Variants in GATM observed in about 807,000 individuals in gnomAD.
GATM encodes glycine amidinotransferase, mitochondrial.
A neutral mutation model predicts 54.2 loss-of-function variants in GATM; 23 were observed. That is an observed-to-expected ratio of 0.42 (90% CI 0.31 to 0.60). GATM has a LOEUF of 0.60. Among genes scored for constraint, GATM ranks in the 20% least tolerant of loss-of-function variants. The pLI is 0.14. For synonymous variants in GATM, 168 were observed against 183.1 expected (o/e 0.92, Z 0.67); for missense variants, 401 against 544.9 (o/e 0.74, Z 2.63).
chr15:45,363,609 A>G (rs1889400887), intron 8 of GATM: 5 of 513,638 alleles, frequency 9.7e-6, no homozygotes, highest in African/African-American at 9.6e-5. Context: ...GCTCACCTGC[A>G]AAGGGGTGGT....
At chr15:45,384,731 CAG>C (rs1252315460) in intron 3 of GATM, among the ~76,000 whole-genome samples, 3 of 152,138 alleles carry the variant, frequency 2.0e-5, no homozygotes, top group Admixed American at 6.5e-5. Flanking sequence ...TTTTTTGAGA[CAG>C]AGTCTCCCTC....
At chr15:45,397,976 T>C (rs1889953475) in intron 2 of GATM, among the ~76,000 whole-genome samples, 1 of 152,238 alleles carries the variant, frequency 6.6e-6, no homozygotes, top group Non-Finnish European at 1.5e-5. Context: ...CTGAGTGGTG[T>C]ATGAGAGTAG....
rs1359154134 is a variant in GATM at position 45,368,883 on chromosome 15, TC to T, written c.484+442del. 2.6e-5 allele frequency among the ~76,000 whole-genome samples: 4 copies of T among 152,068 alleles called. No homozygotes were observed. Among genetic ancestry groups the T allele is most frequent in the African/African-American group, 9.7e-5 (4 of 41,392 alleles). On this transcript the variant is annotated intron_variant, in intron 3 of 8. Transcript: ENST00000396659. This position sits in a 1 kb window ranked among gnomAD's most constrained non-coding sequence, Gnocchi z 5.1. ...CTTTCTTGCTATACAGAAACACAGC[TC>T]TTAAAGGACTATCGGTATCACAAGA...
chr15:45,364,553 A>G (rs531260071), intron 7 of GATM: 16 of 457,816 alleles, frequency 3.5e-5, no homozygotes, highest in African/African-American at 6.0e-5. Context: ...AAAAAAAGTC[A>G]TATCTTGCTT....
chr15:45,389,320 G>A (rs528628931), intron 3 of GATM, among the ~76,000 whole-genome samples: 45 of 152,312 alleles, frequency 3.0e-4, no homozygotes, highest in African/African-American at 1.1e-3. Flanking sequence ...CAGTGATGAC[G>A]GTTGAACTTG....
intron 1 of GATM, 66 bp downstream of exon 1, chr15:45,378,319 G>T: frequency 1.5e-6 from 2 of 1,298,684 alleles, no homozygotes; most frequent in Non-Finnish European, 2.1e-6. Flanking sequence ...GCGAGCGAGT[G>T]CTCCACGCCG....
intron 2 of GATM, 108 bp downstream of exon 2, chr15:45,376,493 C>G (rs1014922368): frequency 1.1e-6 from 1 of 888,880 alleles, no homozygotes; most frequent in African/African-American, 1.6e-5. Context: ...ATAACTTAAT[C>G]ACTGGATTGA....
At chr15:45,398,371 C>G (rs1432842506) in intron 2 of GATM, among the ~76,000 whole-genome samples, 1 of 152,150 alleles carries the variant, frequency 6.6e-6, no homozygotes, top group Non-Finnish European at 1.5e-5. Context: ...TGTGCAAGAA[C>G]AGACTTTCAG....
chr15:45,378,639 C>A, upstream of GATM: 2 of 458,714 alleles, frequency 4.4e-6, no homozygotes, highest in Non-Finnish European at 3.8e-6. Context: ...GTGGTGGGGC[C>A]GGCGTAGCGC....
intron 2 of GATM, 41 bp downstream of exon 2, chr15:45,376,560 G>A: frequency 6.5e-7 from 1 of 1,542,688 alleles, no homozygotes; most frequent in East Asian, 2.2e-5. Context: ...AGCAGGTGAG[G>A]AGGGAGCGCA....
chr15:45,393,634 A>G (rs963728760), intron 3 of GATM, among the ~76,000 whole-genome samples: 4 of 152,210 alleles, frequency 2.6e-5, no homozygotes, highest in African/African-American at 9.6e-5. Context: ...TACAATGAAC[A>G]TCATACAGGT....
At chr15:45,369,859 T>C (rs1675902281) in intron 2 of GATM, among the ~76,000 whole-genome samples, 1 of 152,170 alleles carries the variant, frequency 6.6e-6, no homozygotes, top group African/African-American at 2.4e-5. Flanking sequence ...AAACAGGACA[T>C]AGCACTTCTA....
chr15:45,366,338 T>G, intron 5 of GATM, 33 bp downstream of exon 5: 1 of 1,613,368 alleles, frequency 6.2e-7, no homozygotes. Flanking sequence ...TACAATAATA[T>G]AGTGTGAAAT....
upstream of GATM, chr15:45,378,560 G>A: frequency 2.3e-6 from 2 of 851,488 alleles, no homozygotes; most frequent in Non-Finnish European, 1.6e-6. Context: ...GGCGCGCGGG[G>A]CCCGAGGCCT....
In GATM at chr15:45,366,132, C is replaced by CT; in HGVS notation, c.891dup (p.Asp298ArgfsTer8). ...GCATCAATATGCATGGGATTGGGATCTTTAAAGGAGATGATATGCACTCTG... is the reference window on the plus strand; with the variant it reads ...GCATCAATATGCATGGGATTGGGATCTTTTAAAGGAGATGATATGCACTCTG... On this transcript the variant is annotated frameshift_variant, in exon 6 of 9. Coordinates refer to ENST00000396659, the MANE Select transcript of GATM (RefSeq NM_001482.3). LOFTEE classifies it high-confidence loss of function. 1 of 1,614,030 alleles carries CT rather than the reference C, an allele frequency of 6.2e-7. No individual in the cohort carries two copies. Among genetic ancestry groups the CT allele is most frequent in the East Asian group, 2.2e-5 (1 of 44,882 alleles).
chr15:45,395,679 T>C (rs1296912073), intron 3 of GATM, among the ~76,000 whole-genome samples: 1 of 152,104 alleles, frequency 6.6e-6, no homozygotes, highest in Non-Finnish European at 1.5e-5. Context: ...GTGAAATACA[T>C]CTTCCTGGAG....
At chr15:45,363,877 C>A in intron 8 of GATM, 23 bp downstream of exon 8, 2 of 1,334,124 alleles carry the variant, frequency 1.5e-6, no homozygotes, top group Non-Finnish European at 2.2e-6. Flanking sequence ...TGTATGACAA[C>A]ATGTTTCATT....
At chr15:45,384,081 A>G (rs151247122) in intron 3 of GATM, among the ~76,000 whole-genome samples, 113 of 152,324 alleles carry the variant, frequency 7.4e-4, no homozygotes, top group African/African-American at 2.7e-3. Context: ...CAGGCCTCTA[A>G]GACTCAAAAG....
At chr15:45,387,651 T>C (rs1313278208) in intron 3 of GATM, among the ~76,000 whole-genome samples, 1 of 152,244 alleles carries the variant, frequency 6.6e-6, no homozygotes, top group Non-Finnish European at 1.5e-5. Context: ...GATTATCACT[T>C]AATAAATGTT....
Sources: gnomAD v4.1 joint callset for allele counts (sites outside exome capture counted in the v4.1 genomes callset) on GRCh38, gnomAD v4.1.1 for gene constraint, Gnocchi (gnomAD v3.1) non-coding constraint, MANE v1.5 for transcripts, NCBI Gene and HGNC (gene_info 2026-07-23, HGNC 2026-07-21) for gene names.